Variants in PDE11A observed in about 807,000 individuals in gnomAD.
PDE11A encodes the protein phosphodiesterase 11A, also known as dual 3',5'-cyclic-AMP and -GMP phosphodiesterase 11A.
PDE11A carries 100 observed loss-of-function variants against 100.5 expected under a neutral mutation model. The ratio of observed to expected loss-of-function variants is 1.00; its 90% CI spans 0.85 to 1.18. PDE11A has a LOEUF of 1.18. Ranked by LOEUF, PDE11A falls within the 50% of genes most tolerant of loss-of-function variation. The pLI is 0.00. For missense variants in PDE11A, 1,141 were observed against 1,152.6 expected (o/e 0.99, Z 0.15); for synonymous variants, 381 against 420.8 (o/e 0.91, Z 1.16).
At chr2:177,703,078 G>A (rs141874292) in intron 13 of PDE11A, among the ~76,000 whole-genome samples, 1 of 152,254 alleles carries the variant, frequency 6.6e-6, no homozygotes, top group Admixed American at 6.5e-5. Flanking sequence ...CTGGCATAGA[G>A]TAAGTGCTTT....
intron 2 of PDE11A, among the ~76,000 whole-genome samples, chr2:177,956,606 C>T (rs1337509156): frequency 1.3e-5 from 2 of 152,210 alleles, no homozygotes; most frequent in Non-Finnish European, 2.9e-5. Flanking sequence ...AAGACACATG[C>T]ACACGTATGT....
At chr2:177,847,708 G>T (rs907427603) in intron 5 of PDE11A, among the ~76,000 whole-genome samples, 1 of 152,184 alleles carries the variant, frequency 6.6e-6, no homozygotes, top group Non-Finnish European at 1.5e-5. Context: ...GACTGCCAAA[G>T]CTTCATAGAA....
chr2:177,893,386 C>A (rs1191831722), intron 4 of PDE11A, among the ~76,000 whole-genome samples: 1 of 152,152 alleles, frequency 6.6e-6, no homozygotes, highest in African/African-American at 2.4e-5. Context: ...AATCCTCCTG[C>A]CTCAGCCTCC....
At chr2:177,748,587 G>C (rs925974298) in intron 10 of PDE11A, among the ~76,000 whole-genome samples, 1 of 151,930 alleles carries the variant, frequency 6.6e-6, no homozygotes, top group Non-Finnish European at 1.5e-5. Flanking sequence ...AAAGCTTCTT[G>C]CTCTTATCTA....
chr2:177,843,526 G>A (rs983377589), intron 5 of PDE11A, among the ~76,000 whole-genome samples: 3 of 152,136 alleles, frequency 2.0e-5, no homozygotes, highest in African/African-American at 7.2e-5. Context: ...AAGAAGATAC[G>A]ATGACAAAAA....
chr2:177,637,999 T>TATA (rs1559120768), intron 19 of PDE11A, among the ~76,000 whole-genome samples: 4,167 of 35,282 alleles, frequency 0.12, 153 homozygotes, highest in Non-Finnish European at 0.14. Flanking sequence ...ATATATATAT[T>TATA]TTTTTTTTTT....
At chr2:177,916,579 G>A (rs1344805996) in intron 2 of PDE11A, among the ~76,000 whole-genome samples, 4 of 152,012 alleles carry the variant, frequency 2.6e-5, no homozygotes, top group African/African-American at 9.7e-5. Flanking sequence ...CATAGTGACC[G>A]AACAGGCACC....
At chr2:177,911,175 G>A (rs530718542) in intron 2 of PDE11A, among the ~76,000 whole-genome samples, 17 of 152,312 alleles carry the variant, frequency 1.1e-4, no homozygotes, top group African/African-American at 4.1e-4. Context: ...GATGTTTTAA[G>A]ACAGTTGTGA....
At chr2:177,686,394 C>A (rs2105514486) in intron 15 of PDE11A, among the ~76,000 whole-genome samples, 1 of 152,214 alleles carries the variant, frequency 6.6e-6, no homozygotes, top group South Asian at 2.1e-4. Context: ...AAGTGGGATT[C>A]CGTCTCTAGA....
intron 19 of PDE11A, among the ~76,000 whole-genome samples, chr2:177,663,448 A>T (rs182934462): frequency 1.3e-5 from 2 of 152,112 alleles, no homozygotes; most frequent in Non-Finnish European, 2.9e-5. Flanking sequence ...TGTAAAAAAA[A>T]AAAATTTCCA....
At position 178,000,412 on chromosome 2, in the gene PDE11A, G is replaced by T. The variant is rs540784258; in HGVS notation, c.1071+13890C>A. ...AGGAAAATGCTCTAAGTAAGCTGCA[G>T]GGTAATTTATACTGGAAAACCTCAC... On this transcript the variant is annotated intron_variant, in intron 2 of 19. Transcript: ENST00000286063. Among the ~76,000 whole-genome samples, 20 of 152,298 alleles carry T rather than the reference G, an allele frequency of 1.3e-4. 1 individual carries two copies. Among genetic ancestry groups the T allele is most frequent in the African/African-American group, 4.3e-4 (18 of 41,560 alleles).
chr2:177,973,379 C>T (rs571091791), intron 2 of PDE11A, among the ~76,000 whole-genome samples: 1 of 48,316 alleles, frequency 2.1e-5, no homozygotes, highest in Non-Finnish European at 4.2e-5. Context: ...CTTTTCAGAC[C>T]GGCTTAAGAA....
At chr2:177,823,999 C>A (rs2083187089) in intron 6 of PDE11A, among the ~76,000 whole-genome samples, 1 of 152,160 alleles carries the variant, frequency 6.6e-6, no homozygotes, top group African/African-American at 2.4e-5. Flanking sequence ...AATTTAGAAG[C>A]TGGTGGTGAG....
intron 12 of PDE11A, among the ~76,000 whole-genome samples, chr2:177,727,191 C>T (rs2081612560): frequency 6.6e-6 from 1 of 151,908 alleles, no homozygotes; most frequent in African/African-American, 2.4e-5. Flanking sequence ...GCACTCTTAC[C>T]CCTCTTTTCT....
intron 19 of PDE11A, among the ~76,000 whole-genome samples, chr2:177,645,540 G>A (rs553466182): frequency 1.3e-5 from 2 of 152,350 alleles, no homozygotes; most frequent in African/African-American, 4.8e-5. Context: ...TATAATAGCA[G>A]TATAGCATTG....
intron 9 of PDE11A, among the ~76,000 whole-genome samples, chr2:177,815,622 C>T (rs915693502): frequency 3.9e-5 from 6 of 152,146 alleles, no homozygotes; most frequent in Non-Finnish European, 7.4e-5. Flanking sequence ...TTGCACTAAG[C>T]ACCCTGCTAG....
At chr2:177,878,448 AAT>A (rs1487635891) in intron 4 of PDE11A, among the ~76,000 whole-genome samples, 1 of 152,114 alleles carries the variant, frequency 6.6e-6, no homozygotes, top group Non-Finnish European at 1.5e-5. Context: ...TGCCTGATGA[AAT>A]ATGTGTGCTT....
chr2:178,062,509 G>A (rs1574377030), intron 1 of PDE11A, among the ~76,000 whole-genome samples: 1 of 152,172 alleles, frequency 6.6e-6, no homozygotes, highest in Non-Finnish European at 1.5e-5. Flanking sequence ...TTTTCCAGAG[G>A]ACTTTATTCA....
chr2:178,089,875 C>A (rs2105882986), intron 2 of PDE11A, among the ~76,000 whole-genome samples: 1 of 152,268 alleles, frequency 6.6e-6, no homozygotes, highest in Non-Finnish European at 1.5e-5. Context: ...ATAGGAATGG[C>A]CTGAAAAACC....
Sources: allele counts gnomAD v4.1 joint callset (sites outside exome capture counted in the v4.1 genomes callset), GRCh38; gene constraint gnomAD v4.1.1; transcripts MANE v1.5; gene names NCBI Gene and HGNC (gene_info 2026-07-23, HGNC 2026-07-21).